The following DAB1 variants were observed in gnomAD, a reference collection of about 807,000 sequenced individuals.
DAB1 encodes the protein disabled homolog 1.
In DAB1, 15 loss-of-function variants were observed where a neutral mutation model predicts 64.6. The observed-to-expected ratio is 0.23, with a 90% CI of 0.16 to 0.36. The LOEUF (loss-of-function observed/expected upper bound fraction) is 0.36. Ranked by LOEUF, DAB1 falls within the 10% of genes least tolerant of loss-of-function variation. The probability of loss-of-function intolerance (pLI) is 1.00; values close to 1 mark genes in which losing one functional copy is unlikely to be tolerated. For synonymous variants in DAB1, 235 were observed against 251.9 expected, an observed-to-expected ratio of 0.93 and a Z score of 0.64; for missense variants, 596 against 706.7, an observed-to-expected ratio of 0.84 and a Z score of 1.78.
In DAB1 at chr1:58,088,768, T is replaced by A. The variant is rs979956936; in HGVS notation, n.387+61743A>T. Among the ~76,000 whole-genome samples the A allele has an allele frequency of 5.3e-5, 8 of 152,160 alleles. 1 individual carries two copies. In the South Asian group the frequency reaches 1.2e-3, roughly 24 times the overall value. ...GGAAAGGGTGTCAAATAAGACACAA[T>A]CTCATCCTCAAGGAGCTTGGAGCCT... On this transcript the variant is annotated intron_variant and non_coding_transcript_variant, in intron 5 of 20. Transcript: ENST00000485760.
At chr1:57,312,259 TG>T (rs1674779882) in intron 1 of DAB1, among the ~76,000 whole-genome samples, 1 of 152,106 alleles carries the variant, frequency 6.6e-6, no homozygotes, top group African/African-American at 2.4e-5. Context: ...ATTTTACCAC[TG>T]GGGAAAGTGA....
At chr1:57,815,800 C>T (rs187868350) in intron 6 of DAB1, among the ~76,000 whole-genome samples, 7 of 152,196 alleles carry the variant, frequency 4.6e-5, no homozygotes, top group Admixed American at 1.3e-4. Flanking sequence ...TCTGGGTAAA[C>T]GGTAATATGT....
intron 3 of DAB1, among the ~76,000 whole-genome samples, chr1:58,434,291 C>T (rs928016551): frequency 1.3e-5 from 2 of 151,838 alleles, no homozygotes; most frequent in African/African-American, 4.8e-5. Flanking sequence ...ATGCCTGAGA[C>T]TACAGTAATA....
intron 4 of DAB1, among the ~76,000 whole-genome samples, chr1:57,103,260 A>G (rs1570696512): frequency 6.6e-6 from 1 of 152,284 alleles, no homozygotes; most frequent in South Asian, 2.1e-4. Flanking sequence ...GGGGGCAGAC[A>G]GGAAGATCCT....
intron 6 of DAB1, among the ~76,000 whole-genome samples, chr1:57,668,213 A>G (rs1002123938): frequency 5.9e-5 from 9 of 152,072 alleles, no homozygotes; most frequent in Non-Finnish European, 7.4e-5. Context: ...TTTATAAGAT[A>G]TTATTTAAAT....
At chr1:58,296,229 G>GAAAGAA (rs1295897935) in intron 4 of DAB1, among the ~76,000 whole-genome samples, 1 of 150,268 alleles carries the variant, frequency 6.7e-6, no homozygotes, top group Non-Finnish European at 1.5e-5. Flanking sequence ...AAGAAAGAAA[G>GAAAGAA]AAAGAAAGAA....
chr1:57,430,161 T>C (rs1450595575), intron 7 of DAB1, among the ~76,000 whole-genome samples: 1 of 149,292 alleles, frequency 6.7e-6, no homozygotes, highest in Non-Finnish European at 1.5e-5. Context: ...TTAATTTCTT[T>C]CATCAACATT....
At chr1:58,180,117 A>C (rs1002083866) in intron 4 of DAB1, among the ~76,000 whole-genome samples, 2 of 151,868 alleles carry the variant, frequency 1.3e-5, no homozygotes, top group Admixed American at 6.6e-5. Flanking sequence ...AGATTTTGCT[A>C]TCTGTAAGGG....
intron 2 of DAB1, among the ~76,000 whole-genome samples, chr1:57,165,861 A>C (rs1661170646): frequency 6.6e-6 from 1 of 152,176 alleles, no homozygotes; most frequent in Non-Finnish European, 1.5e-5. Context: ...TCCCCAGTCT[A>C]CTGGAAGAAA....
At chr1:57,974,224 C>T (rs188231206) in intron 5 of DAB1, among the ~76,000 whole-genome samples, 3 of 152,256 alleles carry the variant, frequency 2.0e-5, no homozygotes, top group East Asian at 3.9e-4. Flanking sequence ...AGCTTCCCTG[C>T]CCATCCCCAA....
At chr1:58,428,762 CATTTAT>C (rs1644843536) in intron 3 of DAB1, among the ~76,000 whole-genome samples, 1 of 152,222 alleles carries the variant, frequency 6.6e-6, no homozygotes, top group Non-Finnish European at 1.5e-5. Flanking sequence ...AGAGCATGTA[CATTTAT>C]AATACCATCC....
At chr1:58,072,441 T>C (rs1570314072) in intron 5 of DAB1, among the ~76,000 whole-genome samples, 2 of 152,200 alleles carry the variant, frequency 1.3e-5, no homozygotes, top group Non-Finnish European at 2.9e-5. Context: ...TCTTGCCACC[T>C]ACCATCTCTA....
At chr1:57,056,886 T>C (rs1649828688) in intron 9 of DAB1, among the ~76,000 whole-genome samples, 1 of 150,726 alleles carries the variant, frequency 6.6e-6, no homozygotes, top group East Asian at 1.9e-4. Context: ...AAAAGTTCGG[T>C]AGAAATACAT....
At chr1:57,123,734 GA>G (rs1656873733) in intron 4 of DAB1, among the ~76,000 whole-genome samples, 1 of 152,106 alleles carries the variant, frequency 6.6e-6, no homozygotes, top group Non-Finnish European at 1.5e-5. Context: ...TATGTTGATT[GA>G]AAATATTGTT....
intron 7 of DAB1, among the ~76,000 whole-genome samples, chr1:57,548,791 G>A (rs1236492522): frequency 6.6e-6 from 1 of 152,158 alleles, no homozygotes; most frequent in Non-Finnish European, 1.5e-5. Flanking sequence ...TTAATACATG[G>A]AGGTTTTCTA....
intron 5 of DAB1, among the ~76,000 whole-genome samples, chr1:57,971,297 T>G (rs575814613): frequency 6.6e-6 from 1 of 152,348 alleles, no homozygotes; most frequent in East Asian, 1.9e-4. Context: ...CTGTCTCTAC[T>G]TATGAGTGTC....
At chr1:58,321,824 C>T (rs1008252443) in intron 4 of DAB1, among the ~76,000 whole-genome samples, 1 of 152,258 alleles carries the variant, frequency 6.6e-6, no homozygotes, top group East Asian at 1.9e-4. Context: ...GACCCCACCC[C>T]TGGGGGCAGG....
chr1:58,425,089 A>T (rs568207814), intron 3 of DAB1, among the ~76,000 whole-genome samples: 1 of 152,296 alleles, frequency 6.6e-6, no homozygotes, highest in Non-Finnish European at 1.5e-5. Flanking sequence ...GAAATAAGTG[A>T]TCTAAATGGA....
intron 7 of DAB1, among the ~76,000 whole-genome samples, chr1:57,642,948 A>G (rs1008500672): frequency 6.6e-5 from 10 of 152,210 alleles, no homozygotes; most frequent in African/African-American, 2.2e-4. Context: ...CATGTGCCAG[A>G]TGCTGGACTA....
Sources: gnomAD v4.1 joint callset for allele counts (sites outside exome capture counted in the v4.1 genomes callset) on GRCh38, gnomAD v4.1.1 for gene constraint, MANE v1.5 for transcripts, NCBI Gene and HGNC (gene_info 2026-07-23, HGNC 2026-07-21) for gene names.